The following SLA variants were observed in gnomAD, a reference collection of about 807,000 sequenced individuals.
SLA encodes the protein src-like-adapter.
Under a neutral mutation model 30.3 loss-of-function variants are expected in SLA, and 16 were observed. The observed-to-expected ratio is 0.53, with a 90% confidence interval of 0.36 to 0.80. The LOEUF (loss-of-function observed/expected upper bound fraction) is 0.80, where lower values mean the gene tolerates loss of function less well. Among genes scored for constraint, SLA ranks in the 30% least tolerant of loss-of-function variants. The probability of loss-of-function intolerance (pLI) is 0.01; values close to 1 mark genes in which losing one functional copy is unlikely to be tolerated. For missense variants in SLA, 310 were observed against 345.2 expected (o/e 0.90, Z 0.81); for synonymous variants, 143 against 137.8 (o/e 1.04, Z -0.26).
intron 2 of SLA, among the ~76,000 whole-genome samples, chr8:133,074,439 A>G (rs1844557971): frequency 6.6e-6 from 1 of 152,108 alleles, no homozygotes; most frequent in South Asian, 2.1e-4. Context: ...TTTGCCCTAT[A>G]CCTGTGTGCA....
At chr8:133,070,026 AG>A (rs149045684) in intron 2 of SLA, among the ~76,000 whole-genome samples, 4,351 of 52,168 alleles carry the variant, frequency 0.083, 876 homozygotes, top group African/African-American at 0.12. Flanking sequence ...AAAAAAAAAA[AG>A]AAAGAAAGAA....
intron 7 of SLA, among the ~76,000 whole-genome samples, chr8:133,041,359 G>A (rs1242383065): frequency 1.3e-5 from 2 of 152,224 alleles, no homozygotes; most frequent in Non-Finnish European, 2.9e-5. Flanking sequence ...TCTGTCACAG[G>A]GCGGGCAAGC....
rs145498758 is a variant in SLA, at chr8:133,038,704, C to T, written c.651G>A (p.Pro217=). 140 of 1,613,842 alleles carry T rather than the reference C, an allele frequency of 8.7e-5. 1 individual carries two copies. The highest frequency in any genetic ancestry group is 6.0e-4 in the African/African-American group (45 of 74,844). ...TGAAAAGGGACTCGTCTACCCCAAGCGGGTTCTCTGTTCCCTCGGGGTCCT... is the reference window on the plus strand; with the variant it reads ...TGAAAAGGGACTCGTCTACCCCAAGTGGGTTCTCTGTTCCCTCGGGGTCCT... ...LQEDPEGTEN[P]LGVDESLFSY... Residue 217 remains proline (P), a synonymous_variant, in exon 9 of 9, where the codon CCG becomes CCA. Coordinates refer to ENST00000338087, the MANE Select transcript of SLA (RefSeq NM_001045556.3).
intron 2 of SLA, among the ~76,000 whole-genome samples, chr8:133,064,756 A>G (rs1255313534): frequency 1.3e-5 from 2 of 152,164 alleles, no homozygotes; most frequent in African/African-American, 4.8e-5. Flanking sequence ...GCTCTGCATT[A>G]TCTCATAAAT....
chr8:133,092,389 C>G (rs1482558593), intron 1 of SLA, among the ~76,000 whole-genome samples: 1 of 152,210 alleles, frequency 6.6e-6, no homozygotes, highest in African/African-American at 2.4e-5. Context: ...AGTGGAAACT[C>G]CTCGCCATTG....
Position 133,038,660 on chromosome 8 carries a change from C to A in SLA, c.695G>T (p.Ser232Ile). The change falls in exon 9 of 9, where the codon AGC (serine) becomes ATC (isoleucine). Residue 232 changes from serine to isoleucine, a missense_variant. Ser to Ile is a moderately radical substitution (Grantham distance 142). Transcript: ENST00000338087. The stretch of plus-strand genomic sequence containing the variant: ...GGTCAGGGACAGGTAAGAGGCAATG[C>A]TCTCTCGAAGGCCATAGCTGAAAAG... ...ESLFSYGLRE[S>I]IASYLSLTSE... 6.2e-7 allele frequency: 1 copy of A among 1,613,882 alleles called. No homozygotes were observed. The highest frequency in any genetic ancestry group is 8.5e-7 in the Non-Finnish European group (1 of 1,179,838).
chr8:133,075,330 T>G (rs1844695277), intron 1 of SLA, among the ~76,000 whole-genome samples, 200 bp from the exon 2 acceptor site: 1 of 152,202 alleles, frequency 6.6e-6, no homozygotes, highest in African/African-American at 2.4e-5. Flanking sequence ...GCAGCTTCTC[T>G]GATTTCGGTT....
chr8:133,072,084 C>T (rs1430801728), intron 2 of SLA, among the ~76,000 whole-genome samples: 2 of 152,174 alleles, frequency 1.3e-5, no homozygotes, highest in Non-Finnish European at 2.9e-5. Flanking sequence ...TCACTTTCTT[C>T]GGAAGCTCTT....
intron 2 of SLA, among the ~76,000 whole-genome samples, chr8:133,063,078 C>G (rs1443176760): frequency 6.6e-6 from 1 of 152,192 alleles, no homozygotes; most frequent in Non-Finnish European, 1.5e-5. Context: ...GCAGAACTAA[C>G]TCTGAAACCA....
chr8:133,042,829 G>A lies in SLA; in HGVS notation c.484+2155C>T, dbSNP rs368297971. The stretch of plus-strand genomic sequence containing the variant: ...CTGCCTCAGCCTTCCGAATAGTTGG[G>A]ATTACAGGCGCCCACCACCACACCT... On this transcript the variant is annotated intron_variant, in intron 7 of 8. Transcript: ENST00000338087. Among the ~76,000 whole-genome samples the A allele has an allele frequency of 5.9e-5, 9 of 151,522 alleles. No homozygotes were observed. The South Asian group carries it at 1.9e-3, about 32-fold the overall frequency.
chr8:133,052,733 A>G (rs1220091240), intron 3 of SLA, among the ~76,000 whole-genome samples: 1 of 152,210 alleles, frequency 6.6e-6, no homozygotes, highest in Non-Finnish European at 1.5e-5. Flanking sequence ...TAAGAAAAAA[A>G]TACACAATTG....
chr8:133,052,455 C>T (rs1473106860), intron 3 of SLA, among the ~76,000 whole-genome samples: 1 of 152,132 alleles, frequency 6.6e-6, no homozygotes, highest in Non-Finnish European at 1.5e-5. Flanking sequence ...GAGAAACAGT[C>T]GTGTCGGGAC....
intron 7 of SLA, chr8:133,040,413 T>A: frequency 2.6e-6 from 1 of 377,446 alleles, no homozygotes; most frequent in East Asian, 4.5e-5. Flanking sequence ...GAATTTTAGC[T>A]TTACCCCGAT....
chr8:133,060,416 G>T, intron 2 of SLA: 1 of 1,490,190 alleles, frequency 6.7e-7, no homozygotes, highest in Non-Finnish European at 8.9e-7. Flanking sequence ...CACAGAGAGG[G>T]AAGTTGCTAG....
At chr8:133,096,112 C>A in intron 1 of SLA, 1 of 1,467,166 alleles carries the variant, frequency 6.8e-7, no homozygotes, top group Non-Finnish European at 9.5e-7. Flanking sequence ...AGATGGATAA[C>A]CAGTATTGGC....
chr8:133,083,200 T>C (rs1337732222), intron 1 of SLA, among the ~76,000 whole-genome samples: 1 of 152,218 alleles, frequency 6.6e-6, no homozygotes, highest in South Asian at 2.1e-4. Context: ...GTTATCATTA[T>C]TTATTATTGG....
intron 2 of SLA, among the ~76,000 whole-genome samples, chr8:133,070,752 C>T (rs1478176585): frequency 6.6e-6 from 1 of 152,182 alleles, no homozygotes; most frequent in Admixed American, 6.5e-5. Context: ...GGTCTGCTGG[C>T]AAGACCAGAG....
chr8:133,038,733 G>A lies in SLA; in HGVS notation c.622C>T (p.Gln208Ter). Residue 208 changes from glutamine (Q) to a stop codon, truncating the protein, a stop_gained, in exon 9 of 9, where the codon CAG becomes TAG. Transcript: ENST00000338087. LOFTEE classifies it high-confidence loss of function. Reference protein sequence around the residue: ...TVDWRRVSRLQEDPEGTENPL... With the variant: ...TVDWRRVSRL The stretch of plus-strand genomic sequence containing the variant: ...TTCTCTGTTCCCTCGGGGTCCTCCT[G>A]CAGTCTGTGGGCCAGAAGAAAAGGC... The A allele has an allele frequency of 6.2e-7, 1 of 1,612,416 alleles. No individual in the cohort carries two copies.
intron 2 of SLA, among the ~76,000 whole-genome samples, chr8:133,071,299 A>G (rs964372035): frequency 1.3e-5 from 2 of 152,094 alleles, no homozygotes; most frequent in Non-Finnish European, 2.9e-5. Flanking sequence ...GCATTCACAT[A>G]ATGTGTCGGA....
Sources: gnomAD v4.1 joint callset for allele counts (sites outside exome capture counted in the v4.1 genomes callset) on GRCh38, gnomAD v4.1.1 for gene constraint, MANE v1.5 for transcripts, NCBI Gene and HGNC (gene_info 2026-07-23, HGNC 2026-07-21) for gene names.